Variants in IL16 observed in about 807,000 individuals in gnomAD.
IL16 encodes the protein interleukin 16, also known as pro-interleukin-16.
A neutral mutation model predicts 110.1 loss-of-function variants in IL16; 67 were observed. That is an observed-to-expected ratio of 0.61 (90% CI 0.50 to 0.75). The LOEUF (loss-of-function observed/expected upper bound fraction) is 0.75. Among genes scored for constraint, IL16 ranks in the 30% least tolerant of loss-of-function variants. The probability of loss-of-function intolerance (pLI) is 0.00; values close to 1 mark genes in which losing one functional copy is unlikely to be tolerated. For missense variants in IL16, 1,545 were observed against 1,655.0 expected (o/e 0.93, Z 1.15); for synonymous variants, 689 against 662.9 (o/e 1.04, Z -0.61).
At chr15:81,269,482 C>T in intron 4 of IL16, 56 bp from the exon 5 acceptor site, 7 of 1,152,716 alleles carry the variant, frequency 6.1e-6, no homozygotes, top group Non-Finnish European at 9.2e-6. Flanking sequence ...CCTTGTGAGG[C>T]ATGTGCTGCT....
intron 15 of IL16, chr15:81,302,103 A>C (rs1395172049): frequency 2.6e-5 from 4 of 153,172 alleles, no homozygotes; most frequent in African/African-American, 9.6e-5. Context: ...GCTCAGGCTC[A>C]TGGGTCCTGC....
Position 81,292,680 on chromosome 15 carries a change from C to T in IL16, c.1545C>T (p.Ser515=), listed in dbSNP as rs762025428. ...TGATCCGCTCCAGCAGTGACAGCAG[C>T]TACATGTCTGGGTCCCCAGGGGGAA... is the stretch of plus-strand genomic sequence containing the variant. ...KVMIRSSSDS[S]YMSGSPGGSP... Residue 515 remains serine (S), a synonymous_variant, in exon 12 of 19, where the codon AGC becomes AGT. Coordinates refer to ENST00000683961, the MANE Select transcript of IL16 (RefSeq NM_172217.5). 1 of 1,614,184 alleles carries T rather than the reference C, an allele frequency of 6.2e-7. No homozygotes were observed. The highest frequency in any genetic ancestry group is 2.2e-5 in the East Asian group (1 of 44,884).
At chr15:81,272,360 C>T (rs1898679459) in intron 5 of IL16, among the ~76,000 whole-genome samples, 1 of 152,200 alleles carries the variant, frequency 6.6e-6, no homozygotes, top group Non-Finnish European at 1.5e-5. Context: ...TGCTGTAGAC[C>T]TCACTCAACC....
intron 1 of IL16, among the ~76,000 whole-genome samples, chr15:81,207,293 T>C (rs2141977829): frequency 6.7e-6 from 1 of 149,870 alleles, no homozygotes; most frequent in African/African-American, 2.4e-5. Flanking sequence ...GAAATTTACA[T>C]CCAATATTTC....
At chr15:81,241,866 C>T (rs1897347476) in intron 2 of IL16, among the ~76,000 whole-genome samples, 1 of 151,936 alleles carries the variant, frequency 6.6e-6, no homozygotes, top group African/African-American at 2.4e-5. Context: ...ACCTTTTCTC[C>T]TATTTTTTCT....
chr15:81,262,099 T>C (rs934537081), intron 3 of IL16, among the ~76,000 whole-genome samples: 1 of 152,166 alleles, frequency 6.6e-6, no homozygotes, highest in Non-Finnish European at 1.5e-5. Flanking sequence ...TAAACATTCA[T>C]ACAGGTGAAG....
intron 9 of IL16, among the ~76,000 whole-genome samples, chr15:81,284,189 A>G (rs1397881469): frequency 6.6e-6 from 1 of 152,150 alleles, no homozygotes; most frequent in African/African-American, 2.4e-5. Flanking sequence ...ATCCTATTTA[A>G]TTTGTTACAA....
At chr15:81,247,234 A>T (rs1027273668) in intron 2 of IL16, among the ~76,000 whole-genome samples, 4 of 151,196 alleles carry the variant, frequency 2.6e-5, no homozygotes, top group Admixed American at 1.3e-4. Flanking sequence ...CGTTTTCTCT[A>T]CTTTCTTTGA....
intron 14 of IL16, among the ~76,000 whole-genome samples, chr15:81,300,875 C>T (rs1005845137): frequency 1.3e-5 from 2 of 152,216 alleles, no homozygotes; most frequent in Admixed American, 6.5e-5. Flanking sequence ...GGAATTCTTA[C>T]TCTCCAAATG....
chr15:81,215,595 T>C (rs1383804561), intron 1 of IL16, among the ~76,000 whole-genome samples: 2 of 152,316 alleles, frequency 1.3e-5, no homozygotes, highest in African/African-American at 2.4e-5. Flanking sequence ...TCACCAGTTA[T>C]GTGCCCGTGT....
intron 9 of IL16, 118 bp from the exon 10 acceptor site, chr15:81,285,579 AT>A: frequency 9.2e-7 from 1 of 1,086,814 alleles, no homozygotes; most frequent in Non-Finnish European, 1.3e-6. Context: ...GGGTCTACTT[AT>A]TCATGTGATT....
At chr15:81,272,861 C>T (rs935234714) in intron 5 of IL16, among the ~76,000 whole-genome samples, 3 of 152,204 alleles carry the variant, frequency 2.0e-5, no homozygotes, top group Non-Finnish European at 1.5e-5. Context: ...AAGCTCCAGA[C>T]ACTACCCAGC....
chr15:81,207,124 T>C (rs1334233642), intron 1 of IL16, among the ~76,000 whole-genome samples: 2 of 150,718 alleles, frequency 1.3e-5, no homozygotes, highest in Non-Finnish European at 3.0e-5. Flanking sequence ...TGGTCCCAGC[T>C]CCCCTGGGGA....
chr15:81,308,486 C>CA, intron 18 of IL16, 119 bp from the exon 19 acceptor site: 2 of 714,926 alleles, frequency 2.8e-6, no homozygotes, highest in South Asian at 3.8e-5. Flanking sequence ...AGCAAGCTCC[C>CA]AAGGGATGGT....
In IL16 at chr15:81,299,731, G is replaced by A. The variant is rs750725822; in HGVS notation, c.2405G>A (p.Arg802His). 1.4e-5 allele frequency: 22 copies of A among 1,614,070 alleles called. No homozygotes were observed. The highest frequency in any genetic ancestry group is 6.7e-5 in the East Asian group (3 of 44,892). Reference sequence around the variant, plus strand: ...CAAAGCTTGAAAGGTTTGAGGAATCGTGCTTCAGACCCAAGAGGGCTCCCT... The same window carrying A: ...CAAAGCTTGAAAGGTTTGAGGAATCATGCTTCAGACCCAAGAGGGCTCCCT... ...FRQSLKGLRN[R>H]ASDPRGLPDP... is the part of the protein sequence containing the mutation. Residue 802 changes from arginine (R) to histidine (H), a missense_variant, in exon 14 of 19, where the codon CGT (arginine) becomes CAT (histidine). Arg to His is a conservative substitution (Grantham distance 29). Around this residue, in one of 3 missense-constraint regions of IL16, gnomAD observed 1,185 missense variants for 1,238.8 expected, o/e 0.96. Transcript: ENST00000683961.
At chr15:81,242,329 G>A (rs1232065912) in intron 2 of IL16, among the ~76,000 whole-genome samples, 1 of 152,170 alleles carries the variant, frequency 6.6e-6, no homozygotes. Context: ...AGTTTGGGAA[G>A]AATTAATCTT....
intron 9 of IL16, among the ~76,000 whole-genome samples, chr15:81,283,727 T>C (rs147522450): frequency 6.6e-6 from 1 of 152,338 alleles, no homozygotes; most frequent in Non-Finnish European, 1.5e-5. Flanking sequence ...ATTAGTAAGT[T>C]GGGCACCATG....
Position 81,299,694 on chromosome 15 carries a change from G to A in IL16, c.2368G>A (p.Ala790Thr). Residue 790 changes from alanine to threonine, a missense_variant, in exon 14 of 19, where the codon GCC becomes ACC. Ala to Thr is a moderately conservative substitution (Grantham distance 58). Coordinates refer to ENST00000683961, the MANE Select transcript of IL16 (RefSeq NM_172217.5). Reference protein sequence around the residue: ...KKGPPVAPKPAWFRQSLKGLR... With the variant: ...KKGPPVAPKPTWFRQSLKGLR... ...AGGTCCTCCTGTGGCTCCCAAGCCA[G>A]CCTGGTTTCGCCAAAGCTTGAAAGG... 6.2e-7 allele frequency: 1 copy of A among 1,614,220 alleles called. No individual in the cohort carries two copies. The highest frequency in any genetic ancestry group is 8.5e-7 in the Non-Finnish European group (1 of 1,180,036).
At chr15:81,210,654 T>C (rs1896204488) in intron 1 of IL16, among the ~76,000 whole-genome samples, 1 of 152,246 alleles carries the variant, frequency 6.6e-6, no homozygotes, top group Admixed American at 6.5e-5. Flanking sequence ...CTGGACATTA[T>C]TGGTGTATAG....
Sources: gnomAD v4.1 joint callset for allele counts (sites outside exome capture counted in the v4.1 genomes callset) on GRCh38, gnomAD v4.1.1 for gene constraint, gnomAD v4.1.1 regional missense constraint, MANE v1.5 for transcripts, NCBI Gene and HGNC (gene_info 2026-07-23, HGNC 2026-07-21) for gene names.